The following LOXHD1 variants were observed in gnomAD, a reference collection of about 807,000 sequenced individuals.
The protein encoded by LOXHD1 is lipoxygenase homology domain-containing protein 1.
A neutral mutation model predicts 248.2 loss-of-function variants in LOXHD1; 205 were observed. The ratio of observed to expected loss-of-function variants is 0.83; its 90% CI spans 0.74 to 0.93. LOXHD1 has a LOEUF of 0.93. Ranked by LOEUF, LOXHD1 falls within the 40% of genes least tolerant of loss-of-function variation. LOXHD1 has a pLI of 0.00. For missense variants in LOXHD1, 2,930 were observed against 2,971.6 expected (o/e 0.99, Z 0.33); for synonymous variants, 1,113 against 1,162.8 (o/e 0.96, Z 0.87).
intron 6 of LOXHD1, among the ~76,000 whole-genome samples, chr18:46,607,403 A>C (rs1174577933): frequency 6.7e-6 from 1 of 149,784 alleles, no homozygotes; most frequent in African/African-American, 2.4e-5. Flanking sequence ...GTATATGTAC[A>C]TATATACATA....
chr18:46,606,339 TATACAC>T (rs1463387967), intron 6 of LOXHD1, among the ~76,000 whole-genome samples: 9 of 139,916 alleles, frequency 6.4e-5, no homozygotes, highest in Non-Finnish European at 1.3e-4. Flanking sequence ...ACTGTATATA[TATACAC>T]ACACACACAC....
At chr18:46,517,820 CA>C (rs1185351639) in intron 34 of LOXHD1, among the ~76,000 whole-genome samples, 6 of 152,088 alleles carry the variant, frequency 3.9e-5, no homozygotes. Flanking sequence ...TTAATGAAAC[CA>C]AGACATTAAC....
At position 46,618,912 on chromosome 18, in the gene LOXHD1, G is replaced by A. The variant is rs562117413; in HGVS notation, c.512-622C>T. Reference sequence around the variant, plus strand: ...TTTCAAAGACCTGTATCTGCTTCCTGTATCTTTGCTCCATTCATTGAACAA... The same window carrying A: ...TTTCAAAGACCTGTATCTGCTTCCTATATCTTTGCTCCATTCATTGAACAA... On this transcript the variant is annotated intron_variant, in intron 4 of 40. Transcript: ENST00000642948. Among the ~76,000 whole-genome samples, 11 of 152,340 alleles carry A rather than the reference G, an allele frequency of 7.2e-5. No individual in the cohort carries two copies. In the South Asian group the frequency reaches 2.3e-3, roughly 32 times the overall value.
intron 4 of LOXHD1, among the ~76,000 whole-genome samples, chr18:46,620,997 G>A (rs1008418039): frequency 6.6e-6 from 1 of 152,208 alleles, no homozygotes; most frequent in Admixed American, 6.5e-5. Context: ...CAGAGATCAG[G>A]AGACCAGGGC....
At chr18:46,598,221 A>G (rs1214464186) in intron 8 of LOXHD1, among the ~76,000 whole-genome samples, 1 of 152,268 alleles carries the variant, frequency 6.6e-6, no homozygotes, top group Non-Finnish European at 1.5e-5. Flanking sequence ...AGACCATACA[A>G]CTATCTCATT....
intron 12 of LOXHD1, among the ~76,000 whole-genome samples, chr18:46,588,202 G>A (rs1156337418): frequency 6.6e-6 from 1 of 151,886 alleles, no homozygotes; most frequent in African/African-American, 2.4e-5. Flanking sequence ...AGGACATAGG[G>A]GTGTTCCAAG....
intron 35 of LOXHD1, among the ~76,000 whole-genome samples, chr18:46,508,464 C>A (rs2034728597): frequency 2.0e-5 from 3 of 152,120 alleles, no homozygotes; most frequent in Non-Finnish European, 2.9e-5. Flanking sequence ...AGGGAACTGC[C>A]AGAAGCCAGA....
intron 28 of LOXHD1, among the ~76,000 whole-genome samples, chr18:46,530,855 C>A (rs1010809341): frequency 6.6e-6 from 1 of 152,090 alleles, no homozygotes; most frequent in Non-Finnish European, 1.5e-5. Context: ...TCCACCCATG[C>A]CTTGGATGCC....
At chr18:46,620,483 C>A (rs962586697) in intron 4 of LOXHD1, among the ~76,000 whole-genome samples, 1 of 152,144 alleles carries the variant, frequency 6.6e-6, no homozygotes, top group Admixed American at 6.5e-5. Context: ...TTGAAGGAGT[C>A]GCCAATATTC....
intron 31 of LOXHD1, 120 bp from the exon 32 acceptor site, chr18:46,522,429 C>A (rs556442865): frequency 5.4e-5 from 42 of 776,332 alleles, no homozygotes; most frequent in Non-Finnish European, 8.3e-5. Flanking sequence ...TGCTCAGAGA[C>A]AAAGTGCAGT....
chr18:46,540,423 A>G (rs2036508717), intron 25 of LOXHD1, among the ~76,000 whole-genome samples: 2 of 152,168 alleles, frequency 1.3e-5, no homozygotes, highest in Admixed American at 6.5e-5. Flanking sequence ...CAGAGGTGTC[A>G]TCTCTGCAGC....
At chr18:46,557,236 C>G in intron 21 of LOXHD1, 120 bp downstream of exon 21, 1 of 1,242,964 alleles carries the variant, frequency 8.0e-7, no homozygotes, top group South Asian at 1.4e-5. Context: ...TCACCCAGCC[C>G]ACCCTCACCC....
chr18:46,604,245 G>C lies in LOXHD1; in HGVS notation c.760-16C>G, dbSNP rs2038380632. On this transcript the variant is annotated splice_polypyrimidine_tract_variant and intron_variant, in intron 6 of 40. Transcript: ENST00000642948. The stretch of plus-strand genomic sequence containing the variant: ...CAATGACTATCTGGGAAGGAGAAGA[G>C]GGGACAAGGATGTAGATAAGTGTTG... The C allele has an allele frequency of 1.9e-6, 3 of 1,551,478 alleles. No individual in the cohort carries two copies. The highest frequency in any genetic ancestry group is 2.6e-6 in the Non-Finnish European group (3 of 1,146,922).
At chr18:46,538,904 C>T (rs532517692) in intron 25 of LOXHD1, among the ~76,000 whole-genome samples, 100 of 152,332 alleles carry the variant, frequency 6.6e-4, no homozygotes, top group Admixed American at 1.7e-3. Flanking sequence ...CCCAACCCAT[C>T]CACCTCACAC....
chr18:46,644,789 A>C (rs562425194), intron 2 of LOXHD1, among the ~76,000 whole-genome samples: 32 of 152,292 alleles, frequency 2.1e-4, no homozygotes, highest in African/African-American at 7.2e-4. Context: ...ACGTGAATAC[A>C]TACGTTCCAA....
intron 39 of LOXHD1, among the ~76,000 whole-genome samples, chr18:46,484,553 A>G (rs1310957920): frequency 6.6e-6 from 1 of 152,162 alleles, no homozygotes; most frequent in Non-Finnish European, 1.5e-5. Context: ...TAGAACTGTG[A>G]GAAATACATT....
Position 46,556,438 on chromosome 18 carries a change from C to T in LOXHD1, c.3350+918G>A, listed in dbSNP as rs556096521. Among the ~76,000 whole-genome samples the T allele has an allele frequency of 2.0e-3, 303 of 152,190 alleles. 1 individual carries two copies. Among genetic ancestry groups the T allele is most frequent in the African/African-American group, 7.1e-3 (293 of 41,516 alleles). On this transcript the variant is annotated intron_variant, in intron 21 of 40. Transcript: ENST00000642948. Reference sequence around the variant, plus strand: ...CTCAAGAGTTGCTGGTCTGGGGGATCTATTGGACTGTCATCTCACAGGGCA... The same window carrying T: ...CTCAAGAGTTGCTGGTCTGGGGGATTTATTGGACTGTCATCTCACAGGGCA...
intron 29 of LOXHD1, 57 bp downstream of exon 29, chr18:46,529,120 T>C: frequency 6.5e-7 from 1 of 1,545,304 alleles, no homozygotes; most frequent in East Asian, 2.4e-5. Flanking sequence ...AGCTGGCACC[T>C]AGATCGCTGG....
At chr18:46,631,607 T>G (rs1346217679) in intron 4 of LOXHD1, among the ~76,000 whole-genome samples, 1 of 151,984 alleles carries the variant, frequency 6.6e-6, no homozygotes, top group Non-Finnish European at 1.5e-5. Context: ...AGAGAGGAAG[T>G]GAGGGGCGAG....
Sources: gnomAD v4.1 joint callset for allele counts (sites outside exome capture counted in the v4.1 genomes callset) on GRCh38, gnomAD v4.1.1 for gene constraint, MANE v1.5 for transcripts, NCBI Gene and HGNC (gene_info 2026-07-23, HGNC 2026-07-21) for gene names.